EIF2B3: variants seen among roughly 807,000 people sequenced by gnomAD.
EIF2B3 encodes eukaryotic translation initiation factor 2B subunit gamma.
EIF2B3 carries 20 observed loss-of-function variants against 54.1 expected under a neutral mutation model. That is an observed-to-expected ratio of 0.37 (90% CI 0.26 to 0.54). The LOEUF is 0.54. Ranked by LOEUF, EIF2B3 falls within the 20% of genes least tolerant of loss-of-function variation. EIF2B3 has a pLI of 0.86. For synonymous variants in EIF2B3, 153 were observed against 188.1 expected (o/e 0.81, Z 1.52); for missense variants, 448 against 547.8 (o/e 0.82, Z 1.82).
At chr1:44,985,418 C>T (rs1035339061) in intron 1 of EIF2B3, among the ~76,000 whole-genome samples, 2 of 152,074 alleles carry the variant, frequency 1.3e-5, no homozygotes, top group Non-Finnish European at 2.9e-5. Context: ...GGTTTCATTG[C>T]ACGTATGTGT....
At chr1:44,935,918 G>T (rs1643941946) in intron 4 of EIF2B3, among the ~76,000 whole-genome samples, 1 of 151,764 alleles carries the variant, frequency 6.6e-6, no homozygotes, top group African/African-American at 2.4e-5. Context: ...TCTCCTTGAG[G>T]GTAGGGATAT....
intron 6 of EIF2B3, among the ~76,000 whole-genome samples, chr1:44,883,121 G>A (rs1655465567): frequency 6.6e-6 from 1 of 151,006 alleles, no homozygotes; most frequent in Non-Finnish European, 1.5e-5. Context: ...TAGAGATGGT[G>A]TCTCGTCATG....
At chr1:44,902,817 A>G (rs575670530) in intron 5 of EIF2B3, among the ~76,000 whole-genome samples, 19 of 135,244 alleles carry the variant, frequency 1.4e-4, no homozygotes, top group African/African-American at 5.0e-4. Flanking sequence ...AACAGAAAAG[A>G]GACTCTTTCT....
At chr1:44,876,203 A>C (rs1197515749) in intron 8 of EIF2B3, among the ~76,000 whole-genome samples, 3 of 149,674 alleles carry the variant, frequency 2.0e-5, no homozygotes, top group Non-Finnish European at 4.5e-5. Context: ...CGGCCGCCAC[A>C]CCGTCTGGGA....
chr1:44,912,348 C>A (rs1418392814), intron 5 of EIF2B3, among the ~76,000 whole-genome samples: 1 of 152,166 alleles, frequency 6.6e-6, no homozygotes, highest in Non-Finnish European at 1.5e-5. Context: ...CACTGTGATA[C>A]TTTTCAAGTC....
intron 3 of EIF2B3, among the ~76,000 whole-genome samples, chr1:44,974,417 T>C (rs1281611520): frequency 6.8e-6 from 1 of 146,422 alleles, no homozygotes; most frequent in Non-Finnish European, 1.5e-5. Flanking sequence ...GAGGTTACAG[T>C]GAGCCGTGAT....
At chr1:44,926,463 A>C (rs1199897317) in intron 5 of EIF2B3, among the ~76,000 whole-genome samples, 165 bp downstream of exon 5, 1 of 152,198 alleles carries the variant, frequency 6.6e-6, no homozygotes, top group African/African-American at 2.4e-5. Context: ...AGGCTTATGC[A>C]GTGAAGAAAA....
At chr1:44,919,859 C>T (rs1569725761) in intron 5 of EIF2B3, among the ~76,000 whole-genome samples, 1 of 147,648 alleles carries the variant, frequency 6.8e-6, no homozygotes, top group Non-Finnish European at 1.5e-5. Flanking sequence ...TGGGATTACA[C>T]GCATGCGACA....
intron 10 of EIF2B3, among the ~76,000 whole-genome samples, chr1:44,871,509 G>A (rs1229925016): frequency 1.3e-5 from 2 of 152,200 alleles, no homozygotes; most frequent in Non-Finnish European, 2.9e-5. Flanking sequence ...TGCATGTATA[G>A]CCTTGTCTCT....
At chr1:44,883,870 G>C (rs1486942180) in intron 6 of EIF2B3, among the ~76,000 whole-genome samples, 2 of 152,160 alleles carry the variant, frequency 1.3e-5, no homozygotes, top group African/African-American at 4.8e-5. Context: ...ACGGGGTCTT[G>C]CTCTGCTGCC....
At chr1:44,939,175 T>C (rs142360713) in intron 4 of EIF2B3, among the ~76,000 whole-genome samples, 5 of 151,802 alleles carry the variant, frequency 3.3e-5, no homozygotes, top group African/African-American at 1.2e-4. Flanking sequence ...CTAATCTAAT[T>C]ATGACACTAT....
At chr1:44,920,553 C>T (rs1011720783) in intron 5 of EIF2B3, among the ~76,000 whole-genome samples, 14 of 152,144 alleles carry the variant, frequency 9.2e-5, no homozygotes, top group Non-Finnish European at 1.8e-4. Flanking sequence ...CTACCCTTTC[C>T]AGCCTCTGGT....
At chr1:44,871,820 A>G (rs549311959) in intron 10 of EIF2B3, among the ~76,000 whole-genome samples, 29 of 151,830 alleles carry the variant, frequency 1.9e-4, no homozygotes, top group Admixed American at 1.2e-3. Context: ...TTGAGCTAAG[A>G]TCAAAATAGG....
intron 10 of EIF2B3, among the ~76,000 whole-genome samples, chr1:44,867,064 G>T (rs1654806903): frequency 6.6e-6 from 1 of 152,198 alleles, no homozygotes; most frequent in Non-Finnish European, 1.5e-5. Context: ...TCAGGGTAAT[G>T]ATGAGAAGTA....
At chr1:44,874,604 A>G in intron 10 of EIF2B3, 74 bp downstream of exon 10, 1 of 1,551,524 alleles carries the variant, frequency 6.4e-7, no homozygotes, top group Non-Finnish European at 8.8e-7. Context: ...TTAGGTTAAA[A>G]TTAACCTTCC....
At chr1:44,917,866 C>T (rs1247448887) in intron 5 of EIF2B3, among the ~76,000 whole-genome samples, 1 of 140,720 alleles carries the variant, frequency 7.1e-6, no homozygotes, top group African/African-American at 2.6e-5. Context: ...CTCCGCCTCC[C>T]GGGTTCACAC....
chr1:44,860,623 A>G (rs1654576680), intron 10 of EIF2B3, among the ~76,000 whole-genome samples: 1 of 152,238 alleles, frequency 6.6e-6, no homozygotes, highest in Non-Finnish European at 1.5e-5. Flanking sequence ...TTCAGAATCC[A>G]TAATTTAATC....
Position 44,929,854 on chromosome 1 carries a change from C to T in EIF2B3, c.455-3115G>A, listed in dbSNP as rs183079658. Among the ~76,000 whole-genome samples, 280 of 152,254 alleles carry T rather than the reference C, an allele frequency of 1.8e-3. 1 individual carries two copies. The highest frequency in any genetic ancestry group is 6.4e-3 in the African/African-American group (265 of 41,542). On this transcript the variant is annotated intron_variant, in intron 4 of 11. Transcript: ENST00000360403. ...CTCTCAGACCCTCCACCTTGTATTG[C>T]TTCTTTGCAGCTATTACAGTAACTG...
chr1:44,945,414 C>T (rs1457923579), intron 3 of EIF2B3, among the ~76,000 whole-genome samples: 1 of 151,622 alleles, frequency 6.6e-6, no homozygotes, highest in Non-Finnish European at 1.5e-5. Flanking sequence ...ATCAGCAGGG[C>T]GTGGTGGCAG....
Sources: gnomAD v4.1 joint callset for allele counts (sites outside exome capture counted in the v4.1 genomes callset) on GRCh38, gnomAD v4.1.1 for gene constraint, MANE v1.5 for transcripts, NCBI Gene and HGNC (gene_info 2026-07-23, HGNC 2026-07-21) for gene names.